Variants in UTRN observed in about 807,000 individuals in gnomAD.
The protein encoded by UTRN is utrophin.
UTRN carries 283 observed loss-of-function variants against 463.9 expected under a neutral mutation model. That is an observed-to-expected ratio of 0.61 (90% CI 0.55 to 0.67). The LOEUF (loss-of-function observed/expected upper bound fraction) is 0.67. Among genes scored for constraint, UTRN ranks in the 30% least tolerant of loss-of-function variants. The pLI is 0.00. For missense variants in UTRN, 3,922 were observed against 4,084.3 expected, an observed-to-expected ratio of 0.96 and a Z score of 1.08; for synonymous variants, 1,442 against 1,431.5, an observed-to-expected ratio of 1.01 and a Z score of -0.17.
At chr6:144,497,902 T>C (rs1793814456) in intron 33 of UTRN, among the ~76,000 whole-genome samples, 1 of 152,040 alleles carries the variant, frequency 6.6e-6, no homozygotes, top group Non-Finnish European at 1.5e-5. Context: ...AGGAACAGGA[T>C]ATAGTGAAAG....
At chr6:144,658,239 G>A (rs1349315614) in intron 51 of UTRN, among the ~76,000 whole-genome samples, 1 of 152,080 alleles carries the variant, frequency 6.6e-6, no homozygotes, top group Admixed American at 6.6e-5. Flanking sequence ...GGACATACAG[G>A]TTTTTATGAA....
At chr6:144,557,697 G>A (rs995439787) in intron 50 of UTRN, among the ~76,000 whole-genome samples, 1 of 152,128 alleles carries the variant, frequency 6.6e-6, no homozygotes, top group East Asian at 1.9e-4. Context: ...GGAATAGCGT[G>A]CTATTTGGGT....
intron 66 of UTRN, among the ~76,000 whole-genome samples, chr6:144,824,878 T>C (rs1017617916): frequency 6.6e-6 from 1 of 151,578 alleles, no homozygotes; most frequent in Non-Finnish European, 1.5e-5. Flanking sequence ...AGTTTGTAAA[T>C]TAACTTCTGG....
intron 50 of UTRN, among the ~76,000 whole-genome samples, chr6:144,566,855 A>G (rs538952397): frequency 6.6e-6 from 1 of 152,256 alleles, no homozygotes; most frequent in South Asian, 2.1e-4. Flanking sequence ...CTTCATGAAA[A>G]GTTTGCAGGG....
At chr6:144,594,027 T>C (rs1216089136) in intron 51 of UTRN, among the ~76,000 whole-genome samples, 1 of 152,172 alleles carries the variant, frequency 6.6e-6, no homozygotes, top group Admixed American at 6.5e-5. Context: ...CAGTTTGGTA[T>C]GGGAGTGACA....
chr6:144,366,012 A>T (rs566718604), intron 2 of UTRN, among the ~76,000 whole-genome samples: 82 of 151,806 alleles, frequency 5.4e-4, no homozygotes, highest in African/African-American at 1.5e-3. Flanking sequence ...TGCTGGGATT[A>T]CAGGCGTGAG....
At position 144,548,666 on chromosome 6, in the gene UTRN, C is replaced by G; in HGVS notation, c.6622C>G (p.Leu2208Val). Residue 2208 changes from leucine (L) to valine (V), a missense_variant, in exon 47 of 75, where the codon CTA becomes GTA. Physicochemically the swap from Leu to Val is conservative, Grantham distance 32 (BLOSUM62 1). Transcript: ENST00000367545. ...TCATCCTAATGTCCAAAAGGTGGTG[C>G]TAGTATCATCTGCGTCAGATATTCC... Reference protein sequence around the residue: ...AAHPNVQKVVLVSSASDIPVQ... With the variant: ...AAHPNVQKVVVVSSASDIPVQ... 1 of 1,613,884 alleles carries G rather than the reference C, an allele frequency of 6.2e-7. No homozygotes were observed. The highest frequency in any genetic ancestry group is 8.5e-7 in the Non-Finnish European group (1 of 1,179,884).
At chr6:144,538,748 T>C (rs922577145) in intron 44 of UTRN, among the ~76,000 whole-genome samples, 1 of 152,186 alleles carries the variant, frequency 6.6e-6, no homozygotes, top group Non-Finnish European at 1.5e-5. Context: ...GGTTACTTAC[T>C]AATTCAGAGA....
chr6:144,796,756 G>GA (rs947715643), intron 63 of UTRN, among the ~76,000 whole-genome samples: 3 of 151,624 alleles, frequency 2.0e-5, no homozygotes, highest in Non-Finnish European at 2.9e-5. Context: ...CATTGCTAGG[G>GA]AAAAAAAAGG....
intron 52 of UTRN, among the ~76,000 whole-genome samples, chr6:144,691,196 A>C (rs911626910): frequency 1.3e-5 from 2 of 152,164 alleles, no homozygotes; most frequent in Non-Finnish European, 2.9e-5. Context: ...GGCTCACTAC[A>C]ACCTCCATCT....
In UTRN at chr6:144,797,839, G is replaced by T; in HGVS notation, c.9094G>T (p.Glu3032Ter). ...TTTTCACCAGAATAACAATAAACCA[G>T]AAATAAGTGTGAAAGAGTTTATAGA... is the stretch of plus-strand genomic sequence containing the variant. ...SCFQQNNNKP[E>*]ISVKEFIDWM... Residue 3032 changes from glutamate to a stop codon, truncating the protein, a stop_gained, in exon 64 of 75, where the codon GAA becomes TAA. Coordinates refer to ENST00000367545, the MANE Select transcript of UTRN (RefSeq NM_007124.3). LOFTEE classifies it high-confidence loss of function. 6.2e-7 allele frequency: 1 copy of T among 1,613,824 alleles called. No homozygotes were observed.
chr6:144,502,318 G>T (rs1429008345), intron 34 of UTRN, among the ~76,000 whole-genome samples: 1 of 150,976 alleles, frequency 6.6e-6, no homozygotes, highest in African/African-American at 2.4e-5. Flanking sequence ...GTGCAGGTTT[G>T]TTACATAGGT....
At chr6:144,680,172 G>T (rs1313549738) in intron 52 of UTRN, among the ~76,000 whole-genome samples, 1 of 152,114 alleles carries the variant, frequency 6.6e-6, no homozygotes, top group Non-Finnish European at 1.5e-5. Context: ...AGTGAAGATG[G>T]TATACATGGT....
intron 51 of UTRN, among the ~76,000 whole-genome samples, chr6:144,639,968 G>C (rs1271931888): frequency 1.3e-5 from 2 of 152,258 alleles, no homozygotes; most frequent in East Asian, 3.9e-4. Flanking sequence ...CCCAGGAAAG[G>C]CTCCAGCATG....
chr6:144,468,071 C>T lies in UTRN; in HGVS notation c.3066+5205C>T, dbSNP rs9484879. Among the ~76,000 whole-genome samples, 820 of 151,442 alleles carry T rather than the reference C, an allele frequency of 5.4e-3. 5 individuals carry two copies. Among genetic ancestry groups the T allele is most frequent in the African/African-American group, 0.019 (788 of 41,282 alleles). On this transcript the variant is annotated intron_variant, in intron 23 of 74. Transcript: ENST00000367545. Reference sequence around the variant, plus strand: ...ATGTCTTAAAAAGCTGTGGACATTCCGACAGATGGGGGAGGAGCAAAAGAA... The same window carrying T: ...ATGTCTTAAAAAGCTGTGGACATTCTGACAGATGGGGGAGGAGCAAAAGAA...
At chr6:144,709,992 CTTAATG>C (rs1330029847) in intron 53 of UTRN, among the ~76,000 whole-genome samples, 3 of 152,184 alleles carry the variant, frequency 2.0e-5, no homozygotes, top group South Asian at 2.1e-4. Flanking sequence ...CACCAAATGT[CTTAATG>C]TTAAAGTTGA....
At position 144,343,465 on chromosome 6, in the gene UTRN, C is replaced by T. The variant is rs113400225; in HGVS notation, c.79+51558C>T. On this transcript the variant is annotated intron_variant, in intron 2 of 74. Transcript: ENST00000367545. ...ATCCCAGCTACTTGGGAGGCTGAGG[C>T]ACAAGAATGACTTGAACCCAGGAGG... Among the ~76,000 whole-genome samples the T allele has an allele frequency of 4.5e-3, 678 of 151,506 alleles. 10 individuals are homozygous for T. The highest frequency in any genetic ancestry group is 0.015 in the African/African-American group (617 of 41,144).
At chr6:144,583,996 A>AT (rs1167444765) in intron 51 of UTRN, among the ~76,000 whole-genome samples, 1 of 152,198 alleles carries the variant, frequency 6.6e-6, no homozygotes, top group African/African-American at 2.4e-5. Flanking sequence ...CTTTCAGTAG[A>AT]TTTTTAAAAA....
At chr6:144,768,814 A>G (rs750773044) in intron 58 of UTRN, among the ~76,000 whole-genome samples, 1 of 152,140 alleles carries the variant, frequency 6.6e-6, no homozygotes, top group African/African-American at 2.4e-5. Context: ...TTTGCCCACA[A>G]CAAAGACCTT....
Sources: allele counts gnomAD v4.1 joint callset (sites outside exome capture counted in the v4.1 genomes callset), GRCh38; gene constraint gnomAD v4.1.1; transcripts MANE v1.5; gene names NCBI Gene and HGNC (gene_info 2026-07-23, HGNC 2026-07-21).